The following GADL1 variants were observed in gnomAD, a reference collection of about 807,000 sequenced individuals.
GADL1 encodes GAD like acidic amino acid decarboxylase 1.
In GADL1, 71 loss-of-function variants were observed where a neutral mutation model predicts 69.5. The observed-to-expected ratio is 1.02, with a 90% CI of 0.84 to 1.25. GADL1 has a LOEUF of 1.25. GADL1 is among the 50% of genes most tolerant of loss of function. The pLI, the probability that GADL1 is intolerant of heterozygous loss-of-function variation, is 0.00. For synonymous variants in GADL1, 254 were observed against 214.4 expected (o/e 1.18, Z -1.62); for missense variants, 737 against 631.8 (o/e 1.17, Z -1.79).
At chr3:30,840,118 AT>A (rs944853879) in intron 8 of GADL1, among the ~76,000 whole-genome samples, 1 of 151,932 alleles carries the variant, frequency 6.6e-6, no homozygotes, top group African/African-American at 2.4e-5. Flanking sequence ...TCTAAAAGTT[AT>A]TTTTTTCTCC....
intron 11 of GADL1, among the ~76,000 whole-genome samples, chr3:30,803,000 G>T (rs967743957): frequency 6.6e-6 from 1 of 152,188 alleles, no homozygotes; most frequent in Non-Finnish European, 1.5e-5. Context: ...CCTGAAGTGG[G>T]AAGATCACTT....
At chr3:30,821,498 G>A (rs1161502638) in intron 11 of GADL1, among the ~76,000 whole-genome samples, 1 of 151,054 alleles carries the variant, frequency 6.6e-6, no homozygotes, top group Non-Finnish European at 1.5e-5. Context: ...TGGGTTCGTG[G>A]AAGTTCATCT....
At chr3:30,863,027 TCACACACACACACA>T (rs397875196) in intron 1 of GADL1, among the ~76,000 whole-genome samples, 104 of 110,218 alleles carry the variant, frequency 9.4e-4, no homozygotes, top group African/African-American at 2.4e-3. Context: ...CATGTCTGTT[TCACACACACACACA>T]CACACACACA....
At chr3:30,830,781 A>C (rs146635901) in intron 11 of GADL1, among the ~76,000 whole-genome samples, 149 of 152,000 alleles carry the variant, frequency 9.8e-4, no homozygotes, top group African/African-American at 3.4e-3. Flanking sequence ...TGACTTCCTC[A>C]CTTGAATATA....
At chr3:30,731,447 G>C (rs1175017639) in intron 14 of GADL1, among the ~76,000 whole-genome samples, 1 of 152,200 alleles carries the variant, frequency 6.6e-6, no homozygotes, top group East Asian at 1.9e-4. Flanking sequence ...CTCACATGAG[G>C]CAATTATCAA....
chr3:30,737,033 T>G (rs1575178424), intron 14 of GADL1, among the ~76,000 whole-genome samples: 1 of 152,176 alleles, frequency 6.6e-6, no homozygotes, highest in South Asian at 2.1e-4. Context: ...ACTTATGTCT[T>G]TATCAAAGAA....
chr3:30,871,256 A>G (rs910626312), intron 1 of GADL1, among the ~76,000 whole-genome samples: 3 of 151,680 alleles, frequency 2.0e-5, no homozygotes, highest in African/African-American at 7.3e-5. Flanking sequence ...TTGATGGGAT[A>G]AGAAGACTGC....
rs753008035 is a variant in GADL1 at position 30,833,835 on chromosome 3, C to G, written c.1050+18G>C. On this transcript the variant is annotated intron_variant, in intron 11 of 14. Coordinates refer to ENST00000282538, the MANE Select transcript of GADL1 (RefSeq NM_207359.3). The stretch of plus-strand genomic sequence containing the variant: ...TTAACCCCCTTGAAGCCCAAAGGAC[C>G]ACAAGAGGAAAACTTACAGATTTGT... 3.2e-5 allele frequency: 51 copies of G among 1,588,790 alleles called. No homozygotes were observed. The Middle Eastern group carries it at 5.0e-4, about 16-fold the overall frequency.
chr3:30,892,586 G>A (rs903757245), intron 1 of GADL1, among the ~76,000 whole-genome samples: 1 of 152,168 alleles, frequency 6.6e-6, no homozygotes, highest in Admixed American at 6.5e-5. Flanking sequence ...ACAAGCTACA[G>A]ACATGCTTTG....
At chr3:30,752,448 CT>C (rs1695846928) in intron 14 of GADL1, among the ~76,000 whole-genome samples, 1 of 127,296 alleles carries the variant, frequency 7.9e-6, no homozygotes, top group African/African-American at 4.9e-5. Context: ...CGCAGCCAGT[CT>C]CTGCTTTTAG....
intron 1 of GADL1, among the ~76,000 whole-genome samples, chr3:30,885,700 T>C (rs1053139313): frequency 3.3e-5 from 5 of 152,030 alleles, no homozygotes; most frequent in Admixed American, 6.5e-5. Context: ...TCTTTCAAAC[T>C]ACTATAAATA....
intron 11 of GADL1, among the ~76,000 whole-genome samples, chr3:30,814,906 A>G (rs1280773333): frequency 1.3e-5 from 2 of 151,860 alleles, no homozygotes; most frequent in Non-Finnish European, 2.9e-5. Flanking sequence ...GGAGATTTCA[A>G]TGAGCCGAGA....
intron 9 of GADL1, among the ~76,000 whole-genome samples, chr3:30,834,549 G>A (rs1405569358): frequency 2.6e-5 from 4 of 151,946 alleles, no homozygotes; most frequent in Non-Finnish European, 2.9e-5. Context: ...AGCTATGTGT[G>A]GATGGAAGAG....
intron 2 of GADL1, among the ~76,000 whole-genome samples, chr3:30,858,310 A>T (rs1377093235): frequency 6.6e-6 from 1 of 152,052 alleles, no homozygotes; most frequent in African/African-American, 2.4e-5. Context: ...GGCTCTAAGG[A>T]AGCCATTAAA....
intron 4 of GADL1, among the ~76,000 whole-genome samples, chr3:30,854,242 C>T (rs565326086): frequency 6.6e-6 from 1 of 152,148 alleles, no homozygotes; most frequent in African/African-American, 2.4e-5. Context: ...AAAATTGTCC[C>T]ATTCATATGA....
chr3:30,835,402 T>C (rs1697857770), intron 9 of GADL1, among the ~76,000 whole-genome samples: 1 of 152,106 alleles, frequency 6.6e-6, no homozygotes, highest in Non-Finnish European at 1.5e-5. Flanking sequence ...AGTGGCATGG[T>C]TGGCTGCACC....
intron 2 of GADL1, among the ~76,000 whole-genome samples, chr3:30,857,495 G>A (rs752993247): frequency 1.3e-5 from 2 of 151,938 alleles, no homozygotes; most frequent in Non-Finnish European, 2.9e-5. Context: ...GGATCCTATG[G>A]CACATCTGTA....
At chr3:30,762,213 G>A (rs932283232) in intron 14 of GADL1, among the ~76,000 whole-genome samples, 3 of 152,190 alleles carry the variant, frequency 2.0e-5, no homozygotes, top group Non-Finnish European at 2.9e-5. Flanking sequence ...GGGGCTTGGG[G>A]TAGTGACGAT....
chr3:30,735,260 T>G (rs140538117), intron 14 of GADL1, among the ~76,000 whole-genome samples: 4 of 152,346 alleles, frequency 2.6e-5, no homozygotes, highest in Non-Finnish European at 4.4e-5. Flanking sequence ...AACATTTTTC[T>G]TAAAAATGCC....
Sources: gnomAD v4.1 joint callset for allele counts (sites outside exome capture counted in the v4.1 genomes callset) on GRCh38, gnomAD v4.1.1 for gene constraint, MANE v1.5 for transcripts, NCBI Gene and HGNC (gene_info 2026-07-23, HGNC 2026-07-21) for gene names.